Variants in PELI2 observed in about 807,000 individuals in gnomAD.
The protein encoded by PELI2 is pellino E3 ubiquitin protein ligase family member 2.
In PELI2, 23 loss-of-function variants were observed where a neutral mutation model predicts 42.3. That is an observed-to-expected ratio of 0.54 (90% CI 0.39 to 0.77). The LOEUF is 0.77. PELI2 is among the 30% of genes least tolerant of loss of function. The pLI, the probability that PELI2 is intolerant of heterozygous loss-of-function variation, is 0.00. For missense variants in PELI2, 463 were observed against 553.2 expected, an observed-to-expected ratio of 0.84 and a Z score of 1.64; for synonymous variants, 245 against 212.2, an observed-to-expected ratio of 1.15 and a Z score of -1.34.
At chr14:56,274,170 T>C (rs1467867937) in intron 2 of PELI2, among the ~76,000 whole-genome samples, 1 of 148,382 alleles carries the variant, frequency 6.7e-6, no homozygotes, top group Non-Finnish European at 1.5e-5. Flanking sequence ...TCAGGCTTTT[T>C]CGCAGGAAGC....
intron 2 of PELI2, among the ~76,000 whole-genome samples, chr14:56,231,985 A>G (rs1450598532): frequency 6.6e-6 from 1 of 152,234 alleles, no homozygotes; most frequent in African/African-American, 2.4e-5. Context: ...AAACACCTCT[A>G]TGCAAATAAA....
chr14:56,215,598 G>A (rs1043620946), intron 2 of PELI2, among the ~76,000 whole-genome samples: 3 of 152,202 alleles, frequency 2.0e-5, no homozygotes, highest in Admixed American at 6.5e-5. Context: ...TTCATATTTG[G>A]TGTTCAACTG....
chr14:56,262,046 ATCC>A (rs1319694108), intron 2 of PELI2, among the ~76,000 whole-genome samples: 1 of 152,256 alleles, frequency 6.6e-6, no homozygotes, highest in Non-Finnish European at 1.5e-5. Context: ...CATAGGCTTT[ATCC>A]GTAAGAGGGC....
intron 1 of PELI2, among the ~76,000 whole-genome samples, chr14:56,135,942 C>T (rs1883674330): frequency 6.6e-6 from 1 of 152,158 alleles, no homozygotes; most frequent in Non-Finnish European, 1.5e-5. Flanking sequence ...TTTTCTAACA[C>T]ATCATATGGA....
At chr14:56,198,946 T>C (rs1185382051) in intron 2 of PELI2, among the ~76,000 whole-genome samples, 1 of 152,232 alleles carries the variant, frequency 6.6e-6, no homozygotes, top group East Asian at 1.9e-4. Context: ...TCTGTAATTA[T>C]ATCACCTTGT....
At chr14:56,167,904 T>C (rs1885019613) in intron 1 of PELI2, among the ~76,000 whole-genome samples, 1 of 152,368 alleles carries the variant, frequency 6.6e-6, no homozygotes, top group Admixed American at 6.5e-5. Context: ...CCAGTAACAC[T>C]GTGGTTCTTG....
chr14:56,169,446 G>A (rs1360769625), intron 1 of PELI2, among the ~76,000 whole-genome samples: 1 of 152,146 alleles, frequency 6.6e-6, no homozygotes, highest in Non-Finnish European at 1.5e-5. Flanking sequence ...GAGTTGGTCT[G>A]GTGTTCCTTT....
chr14:56,215,349 G>A (rs1269916017), intron 2 of PELI2, among the ~76,000 whole-genome samples: 1 of 152,160 alleles, frequency 6.6e-6, no homozygotes, highest in African/African-American at 2.4e-5. Context: ...TTGCTGTAGC[G>A]AAACATAACA....
chr14:56,149,065 C>G (rs1884239954), intron 1 of PELI2, among the ~76,000 whole-genome samples: 1 of 152,132 alleles, frequency 6.6e-6, no homozygotes, highest in Admixed American at 6.5e-5. Context: ...TTTCAGTAAT[C>G]CAAGCTCTCA....
chr14:56,285,823 G>A (rs543033537), intron 3 of PELI2, among the ~76,000 whole-genome samples: 1 of 152,216 alleles, frequency 6.6e-6, no homozygotes, highest in African/African-American at 2.4e-5. Flanking sequence ...AAACAGGGCT[G>A]GAGCCTGGGG....
At position 56,288,523 on chromosome 14, in the gene PELI2, A is replaced by C; in HGVS notation, c.396A>C (p.Thr132=). 1 of 1,614,122 alleles carries C rather than the reference A, an allele frequency of 6.2e-7. No individual in the cohort carries two copies. The highest frequency in any genetic ancestry group is 2.2e-5 in the East Asian group (1 of 44,864). Residue 132 remains threonine (T), a synonymous_variant, in exon 4 of 6, where the codon ACA becomes ACC. Coordinates refer to ENST00000267460, the MANE Select transcript of PELI2 (RefSeq NM_021255.3). The surrounding 1 kb of genome is among the most constrained non-coding windows in gnomAD (Gnocchi z 4.6). The part of the protein sequence containing the change: ...GSQNTDEAQI[T]QSTISRFACR... ...AGAACACGGACGAAGCCCAGATCAC[A>C]CAGAGCACCATATCCAGGTTCGCCT...
intron 2 of PELI2, among the ~76,000 whole-genome samples, chr14:56,191,364 T>A (rs1174904150): frequency 1.3e-5 from 2 of 152,342 alleles, no homozygotes; most frequent in East Asian, 3.9e-4. Context: ...AATATTTTCT[T>A]CTCATTTGTG....
intron 1 of PELI2, among the ~76,000 whole-genome samples, chr14:56,169,539 T>G (rs1434457873): frequency 6.6e-6 from 1 of 152,190 alleles, no homozygotes; most frequent in Non-Finnish European, 1.5e-5. Context: ...CTCTTAGCAC[T>G]AGGCTTGTTG....
chr14:56,292,061 A>G (rs1304724634), intron 5 of PELI2, among the ~76,000 whole-genome samples: 1 of 152,122 alleles, frequency 6.6e-6, no homozygotes, highest in Non-Finnish European at 1.5e-5. Flanking sequence ...TTTCTCGTCC[A>G]CTCTGGTTAT....
chr14:56,155,714 T>C (rs144496218), intron 1 of PELI2, among the ~76,000 whole-genome samples: 1,701 of 151,974 alleles, frequency 0.011, 22 homozygotes, highest in African/African-American at 0.04. Context: ...CCTGAGTAGC[T>C]GGCACTACAG....
intron 2 of PELI2, among the ~76,000 whole-genome samples, chr14:56,218,375 T>C (rs12894921): frequency 0.4 from 60,917 of 152,164 alleles, 13,047 homozygotes; most frequent in South Asian, 0.53. Flanking sequence ...TTATGCCTTA[T>C]GGCACTAGAG....
chr14:56,263,552 G>A (rs756503944), intron 2 of PELI2, among the ~76,000 whole-genome samples: 4 of 152,084 alleles, frequency 2.6e-5, no homozygotes, highest in Non-Finnish European at 5.9e-5. Context: ...TAAAAGGTGG[G>A]CAAGGAAGGA....
intron 1 of PELI2, among the ~76,000 whole-genome samples, chr14:56,141,197 T>G (rs1218174189): frequency 6.6e-6 from 1 of 152,220 alleles, no homozygotes; most frequent in East Asian, 1.9e-4. Flanking sequence ...AGACAAAGTT[T>G]CCATTTGATT....
intron 3 of PELI2, among the ~76,000 whole-genome samples, chr14:56,281,827 C>CA (rs1889491490): frequency 6.6e-6 from 1 of 151,904 alleles, no homozygotes; most frequent in Non-Finnish European, 1.5e-5. Context: ...ACCTCATTTA[C>CA]AAAAAGAAAA....
Sources: allele counts gnomAD v4.1 joint callset (sites outside exome capture counted in the v4.1 genomes callset), GRCh38; gene constraint gnomAD v4.1.1; non-coding constraint Gnocchi (gnomAD v3.1); transcripts MANE v1.5; gene names NCBI Gene and HGNC (gene_info 2026-07-23, HGNC 2026-07-21).